CYRIB: variants seen among roughly 807,000 people sequenced by gnomAD.
CYRIB encodes the protein CYFIP-related Rac1 interactor B.
In CYRIB, 8 loss-of-function variants were observed where a neutral mutation model predicts 44.2. The observed-to-expected ratio is 0.18, with a 90% CI of 0.11 to 0.33. The LOEUF is 0.33. Ranked by LOEUF, CYRIB falls within the 10% of genes least tolerant of loss-of-function variation. CYRIB has a pLI of 1.00. For missense variants in CYRIB, 185 were observed against 382.8 expected (o/e 0.48, Z 4.31); for synonymous variants, 131 against 127.2 (o/e 1.03, Z -0.20).
rs901049099 is a variant in CYRIB at position 130,016,321 on chromosome 8, C to G, written c.-296+49G>C. On this transcript the variant is annotated intron_variant, in intron 1 of 14. Transcript: ENST00000401979. ...CGGGGGCAAATCGGATCCAGGGGCG[C>G]GCGCGCGGGCCGGCCGGGCGGCGGC... 14 of 146,720 alleles carry G rather than the reference C, an allele frequency of 9.5e-5. 1 individual carries two copies. The highest frequency in any genetic ancestry group is 3.5e-4 in the African/African-American group (14 of 40,546). The allele number at this position is 146,720 out of a possible 1,614,324, so 9.1% of individuals were successfully genotyped here.
At chr8:129,979,756 T>G (rs1190484019) in intron 1 of CYRIB, among the ~76,000 whole-genome samples, 1 of 151,354 alleles carries the variant, frequency 6.6e-6, no homozygotes, top group African/African-American at 2.4e-5. Flanking sequence ...TCTCTACTAA[T>G]AATACAAAAA....
rs781040182 is a variant in CYRIB at position 129,853,878 on chromosome 8, TTC to T, written c.516+386_516+387del. On this transcript the variant is annotated intron_variant, in intron 7 of 11. Transcript: ENST00000519824. ...AGGAAAACGGACTTGGGTTCAAGAT[TTC>T]TCTCCAAGAAATTAACCCACGTCAA... Among the ~76,000 whole-genome samples, 4 of 152,206 alleles carry T rather than the reference TTC, an allele frequency of 2.6e-5. No homozygotes were observed. In the East Asian group the frequency reaches 7.7e-4, roughly 29 times the overall value.
intron 1 of CYRIB, among the ~76,000 whole-genome samples, chr8:130,003,495 G>A (rs1387233276): frequency 6.6e-6 from 1 of 152,188 alleles, no homozygotes; most frequent in East Asian, 1.9e-4. Flanking sequence ...GGTTTTCTCT[G>A]GAGTGAGTTC....
chr8:129,930,377 A>ATATATATATATATATATATT (rs1335592157), intron 1 of CYRIB, among the ~76,000 whole-genome samples: 1 of 129,140 alleles, frequency 7.7e-6, no homozygotes, highest in African/African-American at 2.9e-5. Context: ...ATATATATAT[A>ATATATATATATATATATATT]TATTTTAATT....
At chr8:129,953,854 C>G (rs551866835) in intron 2 of CYRIB, among the ~76,000 whole-genome samples, 1 of 152,200 alleles carries the variant, frequency 6.6e-6, no homozygotes, top group South Asian at 2.1e-4. Context: ...TACTGTGTAA[C>G]CTAGTATTTG....
At chr8:129,891,435 A>G (rs908230365) in intron 2 of CYRIB, among the ~76,000 whole-genome samples, 3 of 152,220 alleles carry the variant, frequency 2.0e-5, no homozygotes, top group Non-Finnish European at 4.4e-5. Flanking sequence ...TAGTTTAGCT[A>G]TTAATAAAGT....
intron 1 of CYRIB, among the ~76,000 whole-genome samples, chr8:129,974,446 G>A (rs1317481030): frequency 6.6e-6 from 1 of 151,966 alleles, no homozygotes; most frequent in Admixed American, 6.6e-5. Flanking sequence ...CATGACTCCT[G>A]GGATGCTCTA....
intron 1 of CYRIB, among the ~76,000 whole-genome samples, chr8:130,006,343 C>T (rs1033147267): frequency 6.7e-6 from 1 of 149,920 alleles, no homozygotes; most frequent in African/African-American, 2.5e-5. Context: ...TTGCCGGGTA[C>T]AGTGGTGTGC....
intron 1 of CYRIB, among the ~76,000 whole-genome samples, chr8:130,012,241 C>T (rs1378650208): frequency 6.6e-6 from 1 of 152,132 alleles, no homozygotes; most frequent in African/African-American, 2.4e-5. Context: ...AGCTCCATGA[C>T]TCGTCCATGT....
At chr8:129,906,719 T>C (rs1314052950) in intron 1 of CYRIB, among the ~76,000 whole-genome samples, 1 of 152,174 alleles carries the variant, frequency 6.6e-6, no homozygotes, top group Non-Finnish European at 1.5e-5. Flanking sequence ...AAAGGGCTAA[T>C]ATCCAGAATC....
intron 4 of CYRIB, among the ~76,000 whole-genome samples, chr8:129,866,651 C>T (rs1367450835): frequency 1.3e-5 from 2 of 152,144 alleles, no homozygotes; most frequent in African/African-American, 2.4e-5. Flanking sequence ...TTAAAGAAGT[C>T]GATCCTATTT....
At chr8:129,890,474 ACT>A (rs1180464451) in intron 2 of CYRIB, 6 of 152,338 alleles carry the variant, frequency 3.9e-5, no homozygotes, top group African/African-American at 1.4e-4. Flanking sequence ...AGGTATATAC[ACT>A]GTTTTTTAGA....
At chr8:129,935,711 A>G (rs1487522029) in intron 1 of CYRIB, among the ~76,000 whole-genome samples, 1 of 152,250 alleles carries the variant, frequency 6.6e-6, no homozygotes, top group African/African-American at 2.4e-5. Context: ...AGCAGAAAAT[A>G]ACTGTACAGG....
chr8:129,889,825 G>C (rs567004122), intron 2 of CYRIB, among the ~76,000 whole-genome samples: 1 of 150,490 alleles, frequency 6.6e-6, no homozygotes, highest in Non-Finnish European at 1.5e-5. Context: ...TTGAGACAGA[G>C]TTTCCACCTT....
intron 2 of CYRIB, among the ~76,000 whole-genome samples, chr8:129,960,499 G>A (rs1162540208): frequency 6.6e-6 from 1 of 151,866 alleles, no homozygotes; most frequent in East Asian, 1.9e-4. Context: ...GGAGGCTGAG[G>A]CAGGAGAATA....
chr8:129,871,548 A>G (rs1394765062), intron 3 of CYRIB, 52 bp from the exon 6 acceptor site: 2 of 1,589,426 alleles, frequency 1.3e-6, no homozygotes, highest in Non-Finnish European at 1.7e-6. Context: ...ATTTTTTAAA[A>G]TACATGTGTA....
At chr8:129,864,916 C>T (rs2052558391) in intron 4 of CYRIB, 1 of 340,330 alleles carries the variant, frequency 2.9e-6, no homozygotes, top group Non-Finnish European at 5.7e-6. Flanking sequence ...CCATACCAGT[C>T]TATAAGCACA....
chr8:129,983,205 G>A lies in CYRIB; in HGVS notation c.-295-12210C>T, dbSNP rs370513081. On this transcript the variant is annotated intron_variant, in intron 1 of 14. Coordinates refer to the CYRIB transcript ENST00000401979. The stretch of plus-strand genomic sequence containing the variant: ...TCACGCCTGTAATGCCAGCACTTTG[G>A]GAGGCCGAGGCGGGCAGATCACGAG... Among the ~76,000 whole-genome samples the A allele has an allele frequency of 3.9e-5, 6 of 152,240 alleles. No individual in the cohort carries two copies. In the East Asian group the frequency reaches 5.8e-4, roughly 15 times the overall value.
At chr8:129,978,219 C>T (rs921517212) in intron 1 of CYRIB, among the ~76,000 whole-genome samples, 1 of 152,154 alleles carries the variant, frequency 6.6e-6, no homozygotes, top group Admixed American at 6.5e-5. Context: ...ATTGTAGTTT[C>T]GATCCTCTTA....
Sources: gnomAD v4.1 joint callset for allele counts (sites outside exome capture counted in the v4.1 genomes callset) on GRCh38, gnomAD v4.1.1 for gene constraint, MANE v1.5 for transcripts, NCBI Gene and HGNC (gene_info 2026-07-23, HGNC 2026-07-21) for gene names.